Variants in MYO9A observed in about 807,000 individuals in gnomAD.
The protein encoded by MYO9A is myosin IXA.
Under a neutral mutation model 293.3 loss-of-function variants are expected in MYO9A, and 103 were observed. The observed-to-expected ratio is 0.35, with a 90% CI of 0.30 to 0.41. The LOEUF (loss-of-function observed/expected upper bound fraction) is 0.41, where lower values mean the gene tolerates loss of function less well. Among genes scored for constraint, MYO9A ranks in the 10% least tolerant of loss-of-function variants. MYO9A has a pLI of 1.00. For synonymous variants in MYO9A, 1,001 were observed against 1,035.7 expected (o/e 0.97, Z 0.64); for missense variants, 2,685 against 3,033.0 (o/e 0.89, Z 2.69).
chr15:71,839,511 G>T (rs780849762), intron 39 of MYO9A, among the ~76,000 whole-genome samples: 36 of 152,026 alleles, frequency 2.4e-4, no homozygotes, highest in Non-Finnish European at 3.7e-4. Context: ...TGGGCTCAAG[G>T]GATCCTTCTA....
chr15:71,937,037 A>AAGGG lies in MYO9A; in HGVS notation c.2379-1557_2379-1554dup, dbSNP rs904429451. On this transcript the variant is annotated intron_variant, in intron 16 of 41. Transcript: ENST00000356056. ...GGAAAGCAGGAAGGAAGGAAAAACG[A>AAGGG]AGGGAGGGAGGGAGGGAGAGGGAGG... 1.9e-3 allele frequency among the ~76,000 whole-genome samples: 283 copies of AAGGG among 149,906 alleles called. 1 individual carries two copies. The highest frequency in any genetic ancestry group is 6.2e-3 in the African/African-American group (255 of 41,094).
At chr15:72,114,490 C>G (rs535633620) in intron 1 of MYO9A, 5 of 152,322 alleles carry the variant, frequency 3.3e-5, no homozygotes, top group Non-Finnish European at 7.3e-5. Context: ...AAGCGGAGGG[C>G]AATTCCCAGG....
At chr15:72,019,186 C>T in intron 5 of MYO9A, 91 bp from the exon 6 acceptor site, 1 of 1,048,808 alleles carries the variant, frequency 9.5e-7, no homozygotes, top group Non-Finnish European at 1.5e-6. Flanking sequence ...AGTACTGCTG[C>T]TCTCCATTGA....
intron 15 of MYO9A, among the ~76,000 whole-genome samples, chr15:71,946,950 C>A (rs2058931578): frequency 1.3e-5 from 2 of 152,072 alleles, no homozygotes; most frequent in South Asian, 4.2e-4. Context: ...TCCATCTCCA[C>A]AAATAAAATT....
chr15:72,084,528 T>C (rs1289071162), intron 1 of MYO9A, among the ~76,000 whole-genome samples: 2 of 152,190 alleles, frequency 1.3e-5, no homozygotes, highest in Non-Finnish European at 2.9e-5. Context: ...TGTTACCTGG[T>C]TGTTATGCAG....
At chr15:71,954,476 TATAGGCGTAAGCCACCGCA>T (rs2059133148) in intron 14 of MYO9A, among the ~76,000 whole-genome samples, 1 of 152,362 alleles carries the variant, frequency 6.6e-6, no homozygotes, top group East Asian at 1.9e-4. Context: ...GTGCTGGGAT[TATAGGCGTAAGCCACCGCA>T]CCCAGCCTAC....
rs115354478 is a variant in MYO9A, at chr15:72,048,782, T to C, written c.-71-2148A>G. Among the ~76,000 whole-genome samples, 953 of 152,338 alleles carry C rather than the reference T, an allele frequency of 6.3e-3. 10 individuals carry two copies. The highest frequency in any genetic ancestry group is 0.022 in the African/African-American group (906 of 41,570). ...AACCTTTTCAGATTTTAATACTGCA[T>C]TGACTTTACAGATTAATATTGGACA... is the stretch of plus-strand genomic sequence containing the variant. On this transcript the variant is annotated intron_variant, in intron 1 of 41. Transcript: ENST00000356056.
intron 1 of MYO9A, among the ~76,000 whole-genome samples, chr15:72,109,406 A>G (rs2080696402): frequency 6.7e-6 from 1 of 149,450 alleles, no homozygotes; most frequent in Non-Finnish European, 1.5e-5. Flanking sequence ...AAAAAAAAAT[A>G]CACACACACA....
chr15:71,828,156 G>T, intron 40 of MYO9A, 130 bp from the exon 41 acceptor site: 1 of 1,046,066 alleles, frequency 9.6e-7, no homozygotes, highest in Non-Finnish European at 1.4e-6. Flanking sequence ...TCCCCATCCA[G>T]GTGGTGATGA....
intron 19 of MYO9A, among the ~76,000 whole-genome samples, chr15:71,906,758 C>CTTT (rs71131714): frequency 2.5e-4 from 15 of 61,026 alleles, no homozygotes; most frequent in African/African-American, 5.1e-4. Context: ...CCATTTCTTT[C>CTTT]TTTTTTTTTT....
At position 71,926,702 on chromosome 15, in the gene MYO9A, G is replaced by C. The variant is rs893350065; in HGVS notation, c.2562+6968C>G. The stretch of plus-strand genomic sequence containing the variant: ...AGCCTGGGTGACAGTGTGGCTGTGG[G>C]GAAAGCCGCCACACAAGCTATCTTG... On this transcript the variant is annotated intron_variant, in intron 18 of 41. Coordinates refer to ENST00000356056, the MANE Select transcript of MYO9A (RefSeq NM_006901.4). Among the ~76,000 whole-genome samples, 5 of 152,266 alleles carry C rather than the reference G, an allele frequency of 3.3e-5. No homozygotes were observed. In the East Asian group the frequency reaches 9.7e-4, roughly 29 times the overall value.
chr15:72,043,200 C>T (rs1418422447), intron 2 of MYO9A, among the ~76,000 whole-genome samples: 1 of 152,054 alleles, frequency 6.6e-6, no homozygotes, highest in African/African-American at 2.4e-5. Context: ...AATTGTAGAA[C>T]ACCATTTATA....
At chr15:72,035,713 G>T (rs1341515188) in intron 2 of MYO9A, among the ~76,000 whole-genome samples, 1 of 152,132 alleles carries the variant, frequency 6.6e-6, no homozygotes, top group Admixed American at 6.6e-5. Flanking sequence ...GCTGAGGTGG[G>T]AAGATCACTG....
intron 18 of MYO9A, among the ~76,000 whole-genome samples, chr15:71,928,027 A>AATATACATATATATATATATATATATAT (rs2058360620): frequency 9.3e-5 from 1 of 10,754 alleles, no homozygotes; most frequent in Non-Finnish European, 2.6e-4. Context: ...ATACCTTTCT[A>AATATACATATATATATATATATATATAT]ATATATATAT....
At chr15:71,874,775 G>A (rs1015764684) in intron 32 of MYO9A, among the ~76,000 whole-genome samples, 4 of 152,116 alleles carry the variant, frequency 2.6e-5, no homozygotes, top group Non-Finnish European at 5.9e-5. Flanking sequence ...GCCTTCATAT[G>A]AACATGCAAC....
chr15:71,862,659 G>C, intron 32 of MYO9A, 48 bp from the exon 33 acceptor site: 1 of 1,282,844 alleles, frequency 7.8e-7, no homozygotes, highest in Non-Finnish European at 1.1e-6. Flanking sequence ...CACAGTAAAT[G>C]CTGCCCTAAC....
intron 14 of MYO9A, among the ~76,000 whole-genome samples, chr15:71,954,566 T>C (rs967688466): frequency 6.6e-6 from 1 of 152,210 alleles, no homozygotes; most frequent in Non-Finnish European, 1.5e-5. Context: ...GCTGGACTGG[T>C]TGTGATGATA....
intron 18 of MYO9A, among the ~76,000 whole-genome samples, chr15:71,919,360 T>C (rs1453489917): frequency 5.3e-5 from 8 of 151,862 alleles, no homozygotes; most frequent in Admixed American, 3.3e-4. Context: ...GGAGGATTGC[T>C]TGAGCTCAGG....
At chr15:72,113,440 T>G (rs1216087684) in intron 1 of MYO9A, among the ~76,000 whole-genome samples, 1 of 151,552 alleles carries the variant, frequency 6.6e-6, no homozygotes, top group South Asian at 2.1e-4. Context: ...TCAGTAAGAG[T>G]GGATTAAAGT....
Sources: gnomAD v4.1 joint callset for allele counts (sites outside exome capture counted in the v4.1 genomes callset) on GRCh38, gnomAD v4.1.1 for gene constraint, MANE v1.5 for transcripts, NCBI Gene and HGNC (gene_info 2026-07-23, HGNC 2026-07-21) for gene names.